The following FTCDNL1 variants were observed in gnomAD, a reference collection of about 807,000 sequenced individuals.
FTCDNL1 encodes the protein formiminotransferase N-terminal subdomain-containing protein.
In FTCDNL1, 11 loss-of-function variants were observed where a neutral mutation model predicts 5.9. The observed-to-expected ratio is 1.87, with a 90% CI of 1.18 to 3.10. FTCDNL1 has a LOEUF of 3.10. Among genes scored for constraint, FTCDNL1 ranks in the 30% most tolerant of loss-of-function variants. The probability of loss-of-function intolerance (pLI) is 0.00; values close to 1 mark genes in which losing one functional copy is unlikely to be tolerated. For synonymous variants in FTCDNL1, 58 were observed against 24.8 expected (o/e 2.34, Z -3.99); for missense variants, 115 against 65.5 (o/e 1.76, Z -2.61).
At chr2:199,675,681 C>T in the FTCDNL1 span, among the ~76,000 whole-genome samples, 1 of 152,050 alleles carries the variant, frequency 6.6e-6, no homozygotes, top group Non-Finnish European at 1.5e-5. Context: ...TTCTTCCTCA[C>T]GGTTCAAGAT....
intron 3 of FTCDNL1, among the ~76,000 whole-genome samples, chr2:199,773,451 T>C (rs1385775324): frequency 2.0e-5 from 3 of 152,158 alleles, no homozygotes; most frequent in Admixed American, 1.3e-4. Flanking sequence ...CTTTCCCCAT[T>C]GTAAGGTTAC....
rs559654966 is a variant in FTCDNL1 at position 199,778,727 on chromosome 2, C to T, written c.212-17892G>A. Among the ~76,000 whole-genome samples, 7 of 152,272 alleles carry T rather than the reference C, an allele frequency of 4.6e-5. No homozygotes were observed. In the South Asian group the frequency reaches 1.2e-3, roughly 27 times the overall value. ...GAAATTACAGATTTTCTAATAAATG[C>T]CTCAAACTGCCAAGAGAATGTGGTT... On this transcript the variant is annotated intron_variant, in intron 3 of 3. Transcript: ENST00000416668.
chr2:199,676,242 T>C, the FTCDNL1 span, among the ~76,000 whole-genome samples: 1 of 152,236 alleles, frequency 6.6e-6, no homozygotes, highest in Admixed American at 6.5e-5. Context: ...TCTCCATTTC[T>C]ATGGCCCATT....
intron 3 of FTCDNL1, among the ~76,000 whole-genome samples, chr2:199,794,936 TCC>T: frequency 6.6e-6 from 1 of 152,212 alleles, no homozygotes; most frequent in South Asian, 2.1e-4. Context: ...GTTGTTGTCC[TCC>T]CAGGCACCTT....
chr2:199,719,637 T>TTGC, the FTCDNL1 span, among the ~76,000 whole-genome samples: 1 of 90,616 alleles, frequency 1.1e-5, no homozygotes, highest in Admixed American at 1.2e-4. Context: ...TTTGTTTTGT[T>TTGC]TGTTGTTGTT....
the FTCDNL1 span, among the ~76,000 whole-genome samples, chr2:199,705,832 A>G: frequency 6.6e-6 from 1 of 152,214 alleles, no homozygotes; most frequent in Non-Finnish European, 1.5e-5. Flanking sequence ...GTGAAGGATA[A>G]AGGAGGAGGC....
At chr2:199,719,377 T>C in the FTCDNL1 span, among the ~76,000 whole-genome samples, 1 of 152,066 alleles carries the variant, frequency 6.6e-6, no homozygotes, top group African/African-American at 2.4e-5. Context: ...TTCGGGTTCC[T>C]ATTTATCTGT....
chr2:199,775,835 A>T (rs571044486), intron 3 of FTCDNL1, among the ~76,000 whole-genome samples: 1 of 151,220 alleles, frequency 6.6e-6, no homozygotes, highest in South Asian at 2.1e-4. Flanking sequence ...CCTCACAACC[A>T]CTCAATGAAA....
At chr2:199,688,312 C>G in the FTCDNL1 span, among the ~76,000 whole-genome samples, 1 of 151,622 alleles carries the variant, frequency 6.6e-6, no homozygotes, top group Non-Finnish European at 1.5e-5. Flanking sequence ...TCCTAAAGCC[C>G]ATACTGTAAT....
At chr2:199,711,403 C>A in the FTCDNL1 span, among the ~76,000 whole-genome samples, 1 of 151,866 alleles carries the variant, frequency 6.6e-6, no homozygotes. Flanking sequence ...AATGAATTCT[C>A]TGCATAATTT....
chr2:199,728,470 G>A, the FTCDNL1 span, among the ~76,000 whole-genome samples: 4 of 151,948 alleles, frequency 2.6e-5, no homozygotes, highest in Admixed American at 1.3e-4. Context: ...GGATGGTCTC[G>A]ATCTCCTGAC....
At chr2:199,694,790 C>T in the FTCDNL1 span, among the ~76,000 whole-genome samples, 963 of 152,242 alleles carry the variant, frequency 6.3e-3, 11 homozygotes, top group African/African-American at 0.022. Flanking sequence ...GCTGTGATTG[C>T]ACCACTACAC....
chr2:199,749,031 A>C, the FTCDNL1 span, among the ~76,000 whole-genome samples: 1 of 152,110 alleles, frequency 6.6e-6, no homozygotes, highest in Non-Finnish European at 1.5e-5. Context: ...GCACCTGCCA[A>C]TCCAGACTCA....
chr2:199,847,321 C>T (rs938190886), intron 2 of FTCDNL1, among the ~76,000 whole-genome samples: 1 of 151,894 alleles, frequency 6.6e-6, no homozygotes, highest in African/African-American at 2.4e-5. Flanking sequence ...TGCTACCTTC[C>T]TTGCATTTTG....
At chr2:199,777,864 C>A (rs890137641) in intron 3 of FTCDNL1, among the ~76,000 whole-genome samples, 4 of 152,066 alleles carry the variant, frequency 2.6e-5, no homozygotes, top group African/African-American at 4.8e-5. Flanking sequence ...GCTTTCTTAT[C>A]CTGCATGTCT....
At chr2:199,770,785 G>A (rs771023720) in intron 3 of FTCDNL1, among the ~76,000 whole-genome samples, 4 of 152,162 alleles carry the variant, frequency 2.6e-5, no homozygotes, top group Non-Finnish European at 4.4e-5. Flanking sequence ...ATTGTCTGCC[G>A]CTTCACTCAC....
At chr2:199,747,946 A>G in the FTCDNL1 span, among the ~76,000 whole-genome samples, 1 of 152,152 alleles carries the variant, frequency 6.6e-6, no homozygotes, top group Non-Finnish European at 1.5e-5. Context: ...TGGATGGCTA[A>G]TTATTAGATT....
chr2:199,760,944 C>T (rs1449694155), intron 3 of FTCDNL1: 4 of 688,392 alleles, frequency 5.8e-6, no homozygotes, highest in Non-Finnish European at 1.1e-5. Context: ...GTCTGGCTGA[C>T]AGTAGCTACC....
At chr2:199,674,708 C>T in the FTCDNL1 span, among the ~76,000 whole-genome samples, 1 of 151,926 alleles carries the variant, frequency 6.6e-6, no homozygotes, top group Non-Finnish European at 1.5e-5. Flanking sequence ...TGTAATTAGG[C>T]CAATAAAAAA....
Sources: allele counts gnomAD v4.1 joint callset (sites outside exome capture counted in the v4.1 genomes callset), GRCh38; gene constraint gnomAD v4.1.1; transcripts MANE v1.5; gene names NCBI Gene and HGNC (gene_info 2026-07-23, HGNC 2026-07-21).